RBFOX3: variants seen among roughly 807,000 people sequenced by gnomAD.
The protein encoded by RBFOX3 is RNA binding fox-1 homolog 3.
In RBFOX3, 17 loss-of-function variants were observed where a neutral mutation model predicts 48.7. The ratio of observed to expected loss-of-function variants is 0.35; its 90% CI spans 0.24 to 0.52. The LOEUF (loss-of-function observed/expected upper bound fraction) is 0.52, where lower values mean the gene tolerates loss of function less well. RBFOX3 is among the 20% of genes least tolerant of loss of function. The probability of loss-of-function intolerance (pLI) is 0.94; values close to 1 mark genes in which losing one functional copy is unlikely to be tolerated. For synonymous variants in RBFOX3, 212 were observed against 209.5 expected (o/e 1.01, Z -0.10); for missense variants, 382 against 497.5 (o/e 0.77, Z 2.21).
In RBFOX3 at chr17:79,458,074, G is replaced by A. The variant is rs567578296; in HGVS notation, c.-175+24380C>T. ...GCCATCTTTGCAGGGCGGGGGACCC[G>A]GGTGTGCCTCCCCAGGTGGGTAACA... On this transcript the variant is annotated intron_variant, in intron 2 of 14. Coordinates refer to ENST00000693108, the MANE Select transcript of RBFOX3 (RefSeq NM_001350451.2). 3.9e-5 allele frequency among the ~76,000 whole-genome samples: 6 copies of A among 152,274 alleles called. No homozygotes were observed. The East Asian group carries it at 5.8e-4, about 15-fold the overall frequency.
intron 1 of RBFOX3, among the ~76,000 whole-genome samples, chr17:79,571,455 G>C (rs969587926): frequency 6.6e-6 from 1 of 151,984 alleles, no homozygotes; most frequent in South Asian, 2.1e-4. Flanking sequence ...AGTCTTCCTC[G>C]AGGCCCCATC....
chr17:79,556,097 C>T (rs2091734630), intron 1 of RBFOX3, among the ~76,000 whole-genome samples: 2 of 152,126 alleles, frequency 1.3e-5, no homozygotes. Flanking sequence ...AGACGCAATT[C>T]CTCCACTTTA....
At chr17:79,415,337 GC>G (rs2065157320) in intron 2 of RBFOX3, among the ~76,000 whole-genome samples, 1 of 152,216 alleles carries the variant, frequency 6.6e-6, no homozygotes, top group Non-Finnish European at 1.5e-5. Context: ...GAAGTGTGGG[GC>G]TAAATACTCC....
chr17:79,349,129 C>G (rs1170766304), intron 2 of RBFOX3, among the ~76,000 whole-genome samples: 1 of 151,998 alleles, frequency 6.6e-6, no homozygotes, highest in Non-Finnish European at 1.5e-5. Flanking sequence ...CATCCCCACG[C>G]CTGGCGCTCC....
chr17:79,162,275 C>T (rs892881391), intron 4 of RBFOX3, among the ~76,000 whole-genome samples: 3 of 151,762 alleles, frequency 2.0e-5, no homozygotes, highest in African/African-American at 7.3e-5. Context: ...GTTTTCTCCT[C>T]TTGCAGTCAT....
chr17:79,402,642 G>A (rs912646691), intron 2 of RBFOX3, among the ~76,000 whole-genome samples: 3 of 152,318 alleles, frequency 2.0e-5, no homozygotes, highest in East Asian at 1.9e-4. Context: ...TGAGCTCTAC[G>A]ACTGGCTATC....
chr17:79,324,986 G>A (rs2079089758), intron 2 of RBFOX3, among the ~76,000 whole-genome samples: 1 of 152,226 alleles, frequency 6.6e-6, no homozygotes, highest in Non-Finnish European at 1.5e-5. Flanking sequence ...GCAGGAGGGT[G>A]TCTAGGAACT....
At chr17:79,123,464 G>A (rs752536966) in intron 4 of RBFOX3, among the ~76,000 whole-genome samples, 16 of 142,224 alleles carry the variant, frequency 1.1e-4, no homozygotes, top group Non-Finnish European at 1.8e-4. Context: ...CATGATCACC[G>A]TCTGCCTCTG....
chr17:79,204,742 T>G lies in RBFOX3; in HGVS notation c.-34+31024A>C, dbSNP rs1228787950. On this transcript the variant is annotated intron_variant, in intron 4 of 14. Transcript: ENST00000693108. This position sits in a 1 kb window ranked among gnomAD's most constrained non-coding sequence, Gnocchi z 4.5. ...GGTTGCCATTAGGAGATGCTGCCAC[T>G]AACTGGGCTCCTTAGTATCAGTGAG... Among the ~76,000 whole-genome samples, 1 of 152,142 alleles carries G rather than the reference T, an allele frequency of 6.6e-6. No homozygotes were observed. The highest frequency in any genetic ancestry group is 6.5e-5 in the Admixed American group (1 of 15,272).
chr17:79,648,637 G>A, the RBFOX3 span, among the ~76,000 whole-genome samples: 1 of 152,222 alleles, frequency 6.6e-6, no homozygotes, highest in Non-Finnish European at 1.5e-5. Flanking sequence ...TGGGGGCATG[G>A]CAGTACTTCC....
intron 2 of RBFOX3, among the ~76,000 whole-genome samples, chr17:79,343,016 C>T (rs1012440314): frequency 2.0e-5 from 3 of 151,794 alleles, no homozygotes; most frequent in African/African-American, 7.3e-5. Flanking sequence ...CCTGGTAATG[C>T]TATATTTCAG....
chr17:79,592,110 T>C (rs1434450117), intron 1 of RBFOX3, among the ~76,000 whole-genome samples: 5 of 147,334 alleles, frequency 3.4e-5, no homozygotes, highest in African/African-American at 1.3e-4. Flanking sequence ...TGTGTGTGTG[T>C]AGTGTGTGTG....
intron 1 of RBFOX3, chr17:79,601,787 A>G (rs1295129728): frequency 2.0e-5 from 3 of 152,202 alleles, no homozygotes; most frequent in Admixed American, 6.5e-5. Context: ...GTTATCAGTG[A>G]TCTGGCCTTA....
At chr17:79,447,791 G>A (rs1280865837) in intron 2 of RBFOX3, among the ~76,000 whole-genome samples, 1 of 152,224 alleles carries the variant, frequency 6.6e-6, no homozygotes, top group African/African-American at 2.4e-5. Context: ...CGGCCAGGGT[G>A]AGCCCCAAAA....
intron 2 of RBFOX3, among the ~76,000 whole-genome samples, chr17:79,448,658 G>A (rs1555739711): frequency 3.3e-5 from 5 of 152,202 alleles, no homozygotes. Context: ...CTTCATGTCT[G>A]CTGTTTTAGG....
intron 1 of RBFOX3, among the ~76,000 whole-genome samples, chr17:79,583,587 G>A (rs1160040360): frequency 2.0e-5 from 3 of 152,212 alleles, no homozygotes; most frequent in Non-Finnish European, 4.4e-5. Context: ...TCAATGACAA[G>A]GTCAAGGGGA....
chr17:79,582,782 CAAAA>C lies in RBFOX3; in HGVS notation c.-320+28040_-320+28043del, dbSNP rs36155299. Among the ~76,000 whole-genome samples the C allele has an allele frequency of 4.6e-3, 214 of 46,898 alleles. 1 individual carries two copies. The highest frequency in any genetic ancestry group is 0.02 in the African/African-American group (201 of 9,996). 30.8% of individuals were successfully genotyped at this position (46,898 alleles called of 152,430 possible). On this transcript the variant is annotated intron_variant, in intron 1 of 14. Coordinates refer to ENST00000693108, the MANE Select transcript of RBFOX3 (RefSeq NM_001350451.2). ...TGGGAGACAGAGCAAGACCCCGTCTCAAAAAAAAAAAAAAAAAAAAAAAAAAAGG... is the reference window on the plus strand; with the variant it reads ...TGGGAGACAGAGCAAGACCCCGTCTCAAAAAAAAAAAAAAAAAAAAAAAGG...
intron 4 of RBFOX3, among the ~76,000 whole-genome samples, chr17:79,171,096 C>T (rs939656803): frequency 2.0e-5 from 3 of 152,184 alleles, no homozygotes; most frequent in South Asian, 2.1e-4. Context: ...ATGTGGCTGT[C>T]GAGCAATTGA....
chr17:79,284,470 GC>G (rs1335157227), intron 3 of RBFOX3, among the ~76,000 whole-genome samples: 1 of 151,956 alleles, frequency 6.6e-6, no homozygotes, highest in Non-Finnish European at 1.5e-5. Flanking sequence ...ATTGAGACAG[GC>G]CCTCATGGGA....
Sources: allele counts gnomAD v4.1 joint callset (sites outside exome capture counted in the v4.1 genomes callset), GRCh38; gene constraint gnomAD v4.1.1; non-coding constraint Gnocchi (gnomAD v3.1); transcripts MANE v1.5; gene names NCBI Gene and HGNC (gene_info 2026-07-23, HGNC 2026-07-21).